The following PPM1L variants were observed in gnomAD, a reference collection of about 807,000 sequenced individuals.
PPM1L encodes the protein protein phosphatase 1L.
In PPM1L, 13 loss-of-function variants were observed where a neutral mutation model predicts 31.4. That is an observed-to-expected ratio of 0.41 (90% CI 0.27 to 0.66). The LOEUF (loss-of-function observed/expected upper bound fraction) is 0.66, where lower values mean the gene tolerates loss of function less well. Ranked by LOEUF, PPM1L falls within the 30% of genes least tolerant of loss-of-function variation. The pLI is 0.29. For synonymous variants in PPM1L, 184 were observed against 175.4 expected (o/e 1.05, Z -0.39); for missense variants, 326 against 453.7 (o/e 0.72, Z 2.56).
intron 1 of PPM1L, among the ~76,000 whole-genome samples, chr3:160,808,309 G>C (rs913898716): frequency 2.0e-5 from 3 of 150,374 alleles, no homozygotes; most frequent in African/African-American, 7.5e-5. Flanking sequence ...GTGTGTGTGT[G>C]TGTGTGTGTG....
chr3:161,014,309 C>T (rs1228367145), intron 2 of PPM1L, among the ~76,000 whole-genome samples: 3 of 152,198 alleles, frequency 2.0e-5, no homozygotes, highest in East Asian at 1.9e-4. Flanking sequence ...AGTTGCATTA[C>T]AGAAGATATT....
intron 1 of PPM1L, among the ~76,000 whole-genome samples, chr3:160,803,588 A>C (rs1180510696): frequency 1.3e-5 from 2 of 150,736 alleles, no homozygotes. Flanking sequence ...ATGTCAGACA[A>C]GTTTAGATAA....
chr3:160,965,303 C>T (rs1716105378), intron 2 of PPM1L, among the ~76,000 whole-genome samples: 1 of 151,828 alleles, frequency 6.6e-6, no homozygotes, highest in East Asian at 1.9e-4. Context: ...CAGATGTAAC[C>T]ATCCTACACA....
intron 1 of PPM1L, among the ~76,000 whole-genome samples, chr3:160,830,444 G>A (rs906400397): frequency 9.9e-5 from 15 of 152,242 alleles, no homozygotes; most frequent in Admixed American, 5.9e-4. Context: ...GGTTAAAGCC[G>A]TGAAGGGAAG....
chr3:160,819,161 C>T (rs1713081622), intron 1 of PPM1L, among the ~76,000 whole-genome samples: 1 of 151,980 alleles, frequency 6.6e-6, no homozygotes, highest in Non-Finnish European at 1.5e-5. Context: ...TTTAATGCAT[C>T]TAACTTCAGA....
intron 1 of PPM1L, among the ~76,000 whole-genome samples, chr3:160,852,013 A>G (rs1711541342): frequency 6.6e-6 from 1 of 152,220 alleles, no homozygotes; most frequent in Non-Finnish European, 1.5e-5. Flanking sequence ...TGTTTTATAC[A>G]TAATCATTTT....
chr3:160,993,182 A>T (rs997465385), intron 2 of PPM1L, among the ~76,000 whole-genome samples: 2 of 152,192 alleles, frequency 1.3e-5, no homozygotes, highest in East Asian at 3.8e-4. Context: ...TTATATGCTA[A>T]TAAGTAAAAA....
At chr3:161,037,269 A>G (rs1718767868) in intron 2 of PPM1L, among the ~76,000 whole-genome samples, 1 of 152,166 alleles carries the variant, frequency 6.6e-6, no homozygotes, top group Admixed American at 6.5e-5. Context: ...TGTCTCTGGA[A>G]TCACATGCTC....
In PPM1L at chr3:161,036,264, G is replaced by C. The variant is rs1245945634; in HGVS notation, c.575-29139G>C. ...ATGTATATAGGGAATAGTAATATAA[G>C]AAAAAATCATAAAGATTTGAGGGTA... On this transcript the variant is annotated intron_variant, in intron 2 of 3. Transcript: ENST00000498165. The C allele has an allele frequency of 2.6e-5, 4 of 152,094 alleles. No individual in the cohort carries two copies. In the South Asian group the frequency reaches 6.2e-4, roughly 24 times the overall value. The allele number at this position is 152,094 out of a possible 1,614,324, so 9.4% of individuals were successfully genotyped here. A position where few individuals can be genotyped will look rare whatever the true frequency, so the allele number is the denominator to read the frequency against.
intron 1 of PPM1L, among the ~76,000 whole-genome samples, chr3:160,916,800 G>C (rs892888415): frequency 6.6e-6 from 1 of 151,918 alleles, no homozygotes. Flanking sequence ...GGTTGAATAC[G>C]TGCATGATTA....
intron 1 of PPM1L, among the ~76,000 whole-genome samples, chr3:160,764,492 G>A (rs995781475): frequency 4.2e-5 from 6 of 143,924 alleles, no homozygotes; most frequent in African/African-American, 1.3e-4. Context: ...TTTTTAAGAC[G>A]GTGTCTTGTT....
intron 2 of PPM1L, among the ~76,000 whole-genome samples, chr3:161,052,723 G>A (rs1188541492): frequency 6.6e-6 from 1 of 152,110 alleles, no homozygotes; most frequent in Admixed American, 6.6e-5. Flanking sequence ...ATTTGTATAA[G>A]GATAACCTAA....
At chr3:160,935,099 TATA>T (rs1714923995) in intron 1 of PPM1L, among the ~76,000 whole-genome samples, 2 of 152,120 alleles carry the variant, frequency 1.3e-5, no homozygotes, top group Non-Finnish European at 2.9e-5. Flanking sequence ...TCACAAATCA[TATA>T]ACCCTGGCAT....
chr3:160,810,450 G>A (rs567503451), intron 1 of PPM1L, among the ~76,000 whole-genome samples: 9 of 152,116 alleles, frequency 5.9e-5, no homozygotes, highest in Non-Finnish European at 1.5e-5. Context: ...TTTCCAACTG[G>A]TTTAGCTCAG....
At chr3:160,918,242 A>G (rs558102211) in intron 1 of PPM1L, among the ~76,000 whole-genome samples, 2 of 152,358 alleles carry the variant, frequency 1.3e-5, no homozygotes, top group Admixed American at 6.5e-5. Flanking sequence ...TGTCTTATCC[A>G]CTGTTATATA....
At position 161,043,075 on chromosome 3, in the gene PPM1L, T is replaced by C. The variant is rs1718958274; in HGVS notation, c.575-22328T>C. On this transcript the variant is annotated intron_variant, in intron 2 of 3. Coordinates refer to ENST00000498165, the MANE Select transcript of PPM1L (RefSeq NM_139245.4). ...TTTTTCAAATCAGTGGTTGACTTCA[T>C]TACATTTGCCTGGAAAATAGACTGG... Among the ~76,000 whole-genome samples, 7 of 150,184 alleles carry C rather than the reference T, an allele frequency of 4.7e-5. No individual in the cohort carries two copies. The South Asian group carries it at 1.5e-3, about 32-fold the overall frequency.
chr3:160,872,642 T>A (rs1458117326), intron 1 of PPM1L, among the ~76,000 whole-genome samples: 1 of 152,166 alleles, frequency 6.6e-6, no homozygotes, highest in Non-Finnish European at 1.5e-5. Flanking sequence ...ATAAAGATAT[T>A]AGGGCTGGGC....
intron 2 of PPM1L, among the ~76,000 whole-genome samples, chr3:161,012,924 CT>C (rs1717945143): frequency 6.6e-6 from 1 of 151,758 alleles, no homozygotes; most frequent in Non-Finnish European, 1.5e-5. Context: ...CTTTATTAGT[CT>C]TGCTAGCGGT....
At chr3:161,055,183 A>G (rs796655793) in intron 2 of PPM1L, among the ~76,000 whole-genome samples, 3 of 152,324 alleles carry the variant, frequency 2.0e-5, no homozygotes, top group African/African-American at 7.2e-5. Flanking sequence ...TGTTTTCCAC[A>G]CAAGGTATCA....
Sources: allele counts gnomAD v4.1 joint callset (sites outside exome capture counted in the v4.1 genomes callset), GRCh38; gene constraint gnomAD v4.1.1; transcripts MANE v1.5; gene names NCBI Gene and HGNC (gene_info 2026-07-23, HGNC 2026-07-21).